Variants in FRMD4B observed in about 807,000 individuals in gnomAD.
The protein encoded by FRMD4B is FERM domain containing 4B, also known as FERM domain-containing protein 4B.
Under a neutral mutation model 141.5 loss-of-function variants are expected in FRMD4B, and 74 were observed. The ratio of observed to expected loss-of-function variants is 0.52; its 90% CI spans 0.43 to 0.63. The LOEUF (loss-of-function observed/expected upper bound fraction) is 0.63. Ranked by LOEUF, FRMD4B falls within the 30% of genes least tolerant of loss-of-function variation. The probability of loss-of-function intolerance (pLI) is 0.00; values close to 1 mark genes in which losing one functional copy is unlikely to be tolerated. For synonymous variants in FRMD4B, 506 were observed against 467.9 expected (o/e 1.08, Z -1.05); for missense variants, 1,366 against 1,253.4 (o/e 1.09, Z -1.36).
chr3:69,413,275 A>G (rs574952313), intron 2 of FRMD4B, among the ~76,000 whole-genome samples: 1 of 152,280 alleles, frequency 6.6e-6, no homozygotes, highest in African/African-American at 2.4e-5. Flanking sequence ...TAATCTCTCA[A>G]TGACTCTATA....
At chr3:69,172,075 ACT>A (rs2092593559) in intron 22 of FRMD4B, 94 bp from the exon 23 acceptor site, 2 of 1,211,066 alleles carry the variant, frequency 1.7e-6, no homozygotes, top group African/African-American at 3.0e-5. Context: ...AGTAGGAAGC[ACT>A]GTTAAGAAAA....
intron 1 of FRMD4B, among the ~76,000 whole-genome samples, chr3:69,346,272 GT>G: frequency 6.6e-6 from 1 of 152,128 alleles, no homozygotes; most frequent in Non-Finnish European, 1.5e-5. Context: ...GAGAAGAGAA[GT>G]TTAGAGAAAA....
At chr3:69,524,976 G>T (rs929102673) in intron 1 of FRMD4B, among the ~76,000 whole-genome samples, 3 of 152,190 alleles carry the variant, frequency 2.0e-5, no homozygotes, top group African/African-American at 7.2e-5. Context: ...GGACTCTTTG[G>T]TTCAGAGGAA....
intron 1 of FRMD4B, among the ~76,000 whole-genome samples, chr3:69,442,458 A>C (rs1439658271): frequency 6.6e-6 from 1 of 152,098 alleles, no homozygotes; most frequent in Non-Finnish European, 1.5e-5. Flanking sequence ...TGTCAATCCC[A>C]CTTCTAGAGG....
intron 13 of FRMD4B, 90 bp from the exon 14 acceptor site, chr3:69,196,486 C>T (rs2092906061): frequency 5.0e-6 from 5 of 1,003,598 alleles, no homozygotes; most frequent in African/African-American, 1.6e-5. Flanking sequence ...AAAATAGCAA[C>T]ACAGAGGATA....
At chr3:69,378,040 G>A (rs1223057200) in intron 1 of FRMD4B, among the ~76,000 whole-genome samples, 2 of 149,372 alleles carry the variant, frequency 1.3e-5, no homozygotes, top group African/African-American at 5.0e-5. Context: ...AGCTGGTCTC[G>A]AACTCCTGGC....
At chr3:69,318,112 T>C (rs1258726975) in intron 1 of FRMD4B, among the ~76,000 whole-genome samples, 1 of 152,074 alleles carries the variant, frequency 6.6e-6, no homozygotes, top group African/African-American at 2.4e-5. Flanking sequence ...GCTGGGACTA[T>C]GGGTACATGC....
intron 2 of FRMD4B, among the ~76,000 whole-genome samples, chr3:69,427,643 G>GTTTTTTTGTTTTTTTT (rs1705106086): frequency 5.5e-5 from 2 of 36,238 alleles, no homozygotes; most frequent in African/African-American, 2.1e-4. Context: ...CTAGGTAAAT[G>GTTTTTTTGTTTTTTTT]TTTTTTTTTT....
At position 69,503,002 on chromosome 3, in the gene FRMD4B, T is replaced by C. The variant is rs561895729; in HGVS notation, c.-129+39204A>G. Reference sequence around the variant, plus strand: ...ACAATGAGACAGCATCTCATACCAGTTAGAATAGCGATCATTAAAAAGTCA... The same window carrying C: ...ACAATGAGACAGCATCTCATACCAGCTAGAATAGCGATCATTAAAAAGTCA... On this transcript the variant is annotated intron_variant, in intron 1 of 5. Transcript: ENST00000459638. Among the ~76,000 whole-genome samples, 3 of 152,228 alleles carry C rather than the reference T, an allele frequency of 2.0e-5. No homozygotes were observed. The East Asian group carries it at 5.8e-4, about 29-fold the overall frequency.
chr3:69,244,812 T>C (rs1027418456), intron 7 of FRMD4B, among the ~76,000 whole-genome samples: 1 of 152,174 alleles, frequency 6.6e-6, no homozygotes, highest in African/African-American at 2.4e-5. Flanking sequence ...GAGAACTGCT[T>C]GAACCCAGGA....
chr3:69,511,778 T>C (rs1182608700), intron 1 of FRMD4B, among the ~76,000 whole-genome samples: 2 of 152,240 alleles, frequency 1.3e-5, no homozygotes, highest in South Asian at 2.1e-4. Flanking sequence ...CCTGCATTTG[T>C]GGTCTGAAGG....
At chr3:69,259,765 C>T (rs1264796706) in intron 5 of FRMD4B, among the ~76,000 whole-genome samples, 1 of 152,168 alleles carries the variant, frequency 6.6e-6, no homozygotes, top group Non-Finnish European at 1.5e-5. Flanking sequence ...AATTTGTCTT[C>T]CTCTTTGCAA....
intron 1 of FRMD4B, among the ~76,000 whole-genome samples, chr3:69,534,167 T>C (rs1227647641): frequency 3.3e-5 from 5 of 152,232 alleles, no homozygotes; most frequent in African/African-American, 1.2e-4. Context: ...ACTTCAGTCA[T>C]TCACATCTTC....
chr3:69,432,003 G>A (rs1282009750), intron 2 of FRMD4B, among the ~76,000 whole-genome samples: 4 of 151,994 alleles, frequency 2.6e-5, no homozygotes, highest in African/African-American at 7.2e-5. Context: ...TGGCAGTTTG[G>A]TTTCTATAGC....
chr3:69,534,721 T>A (rs1701058071), intron 1 of FRMD4B, among the ~76,000 whole-genome samples: 1 of 152,214 alleles, frequency 6.6e-6, no homozygotes, highest in African/African-American at 2.4e-5. Flanking sequence ...TATGACATTA[T>A]AATTATGAGA....
At chr3:69,204,034 C>T (rs1201511532) in intron 11 of FRMD4B, among the ~76,000 whole-genome samples, 4 of 152,060 alleles carry the variant, frequency 2.6e-5, no homozygotes, top group South Asian at 4.1e-4. Flanking sequence ...TCCTGATACA[C>T]CCTCTAGGTA....
At chr3:69,333,486 A>G (rs186255864) in intron 1 of FRMD4B, among the ~76,000 whole-genome samples, 2 of 152,308 alleles carry the variant, frequency 1.3e-5, no homozygotes, top group East Asian at 3.9e-4. Flanking sequence ...TCCTTGTAGA[A>G]CTTTCAGTTT....
At position 69,534,875 on chromosome 3, in the gene FRMD4B, GA is replaced by G. The variant is rs147884843; in HGVS notation, c.-129+7330del. Among the ~76,000 whole-genome samples the G allele has an allele frequency of 6.1e-3, 923 of 152,258 alleles. 11 individuals carry two copies. Among genetic ancestry groups the G allele is most frequent in the African/African-American group, 0.021 (881 of 41,554 alleles). On this transcript the variant is annotated intron_variant, in intron 1 of 5. Coordinates refer to the FRMD4B transcript ENST00000459638. ...ATCTGAAAGGATTTGTAAGAAGAAAGAAAACAACTGAAAAATGCCTAGCTTA... is the reference window on the plus strand; with the variant it reads ...ATCTGAAAGGATTTGTAAGAAGAAAGAAACAACTGAAAAATGCCTAGCTTA...
Position 69,386,028 on chromosome 3 carries a change from C to G in FRMD4B, c.-39G>C. On this transcript the variant is annotated 5_prime_UTR_variant, in exon 1 of 23. Coordinates refer to ENST00000398540, the MANE Select transcript of FRMD4B (RefSeq NM_015123.3). ...CTCTGAACCCGGGCGTCCCGGCTCT[C>G]GTACGTGCAGCCCCGACCCCAGCGG... is the stretch of plus-strand genomic sequence containing the variant. 1 of 1,523,904 alleles carries G rather than the reference C, an allele frequency of 6.6e-7. No individual in the cohort carries two copies. Among genetic ancestry groups the G allele is most frequent in the Non-Finnish European group, 8.9e-7 (1 of 1,128,086 alleles). 94.4% of individuals were successfully genotyped at this position (1,523,904 alleles called of 1,614,324 possible).
Sources: gnomAD v4.1 joint callset for allele counts (sites outside exome capture counted in the v4.1 genomes callset) on GRCh38, gnomAD v4.1.1 for gene constraint, MANE v1.5 for transcripts, NCBI Gene and HGNC (gene_info 2026-07-23, HGNC 2026-07-21) for gene names.